Variants in TMEM201 observed in about 807,000 individuals in gnomAD.
TMEM201 encodes the protein transmembrane protein 201, also known as RP13-15M17.2.
TMEM201 carries 26 observed loss-of-function variants against 63.4 expected under a neutral mutation model. The observed-to-expected ratio is 0.41, with a 90% CI of 0.30 to 0.57. The LOEUF (loss-of-function observed/expected upper bound fraction) is 0.57, where lower values mean the gene tolerates loss of function less well. TMEM201 is among the 20% of genes least tolerant of loss of function. TMEM201 has a pLI of 0.29. For missense variants in TMEM201, 794 were observed against 917.7 expected (o/e 0.87, Z 1.74); for synonymous variants, 417 against 421.6 (o/e 0.99, Z 0.14).
In TMEM201 at chr1:9,603,923, T is replaced by C. The variant is rs1644194989; in HGVS notation, c.1160+1651T>C. The C allele has an allele frequency of 1.0e-6, 1 of 985,340 alleles. No homozygotes were observed. Among genetic ancestry groups the C allele is most frequent in the Non-Finnish European group, 1.2e-6 (1 of 829,962 alleles). The allele number at this position is 985,340 out of a possible 1,614,324, so 61.0% of individuals were successfully genotyped here. ...AGGTGAGAAAACCCCTCTGAAAAGA[T>C]GTGGTCGGGGCCACGCTTCCCACTG... On this transcript the variant is annotated intron_variant, in intron 6 of 10. Coordinates refer to ENST00000340381, the MANE Select transcript of TMEM201 (RefSeq NM_001130924.3). This position sits in a 1 kb window ranked among gnomAD's most constrained non-coding sequence, Gnocchi z 4.5.
chr1:9,598,714 G>A (rs1444946243), intron 4 of TMEM201, 89 bp downstream of exon 4: 28 of 1,337,596 alleles, frequency 2.1e-5, no homozygotes, highest in Non-Finnish European at 2.8e-5. Flanking sequence ...TGACCAGAGG[G>A]TAGCTCTTCA....
intron 3 of TMEM201, 144 bp from the exon 4 acceptor site, chr1:9,598,305 G>A (rs1037468555): frequency 2.2e-6 from 2 of 912,796 alleles, no homozygotes; most frequent in East Asian, 5.2e-5. Flanking sequence ...GGGCAGAGGG[G>A]AAGCAGGTTC....
Position 9,601,466 on chromosome 1 carries a change from GC to G in TMEM201, c.956+14del, listed in dbSNP as rs1340213383. 1 of 1,569,904 alleles carries G rather than the reference GC, an allele frequency of 6.4e-7. No individual in the cohort carries two copies. The highest frequency in any genetic ancestry group is 1.2e-5 in the South Asian group (1 of 86,894). On this transcript the variant is annotated intron_variant, in intron 5 of 10. Coordinates refer to ENST00000340381, the MANE Select transcript of TMEM201 (RefSeq NM_001130924.3). ...GCTGGCCGCATCAGGTGTGCATGGG[GC>G]CAGGGCCAGGAGTTGGCGGGCAGGG...
rs200961879 is a variant in TMEM201 at position 9,601,192 on chromosome 1, G to T, written c.694G>T (p.Ala232Ser). The T allele has an allele frequency of 2.5e-6, 4 of 1,612,906 alleles. No homozygotes were observed. Among genetic ancestry groups the T allele is most frequent in the Non-Finnish European group, 3.4e-6 (4 of 1,179,754 alleles). The change falls in exon 5 of 11, where the codon GCG becomes TCG. Residue 232 changes from alanine to serine, a missense_variant. Transcript: ENST00000340381. The stretch of plus-strand genomic sequence containing the variant: ...GGCCTGCGCCTTCCTACTGACCACC[G>T]CGCTGTATGGGGCCAGCGGACACTT... ...FLACAFLLTT[A>S]LYGASGHFAP...
Position 9,607,811 on chromosome 1 carries a change from G to A in TMEM201, c.1393+22G>A. ...GCAGGTAAGGGGTGCCCAGGCATTG[G>A]CAGACAGTCAGGGCTAGGGGCAGCT... On this transcript the variant is annotated intron_variant, in intron 7 of 10. Coordinates refer to ENST00000340381, the MANE Select transcript of TMEM201 (RefSeq NM_001130924.3). The surrounding 1 kb of genome is among the most constrained non-coding windows in gnomAD (Gnocchi z 5.4). 1 of 1,548,572 alleles carries A rather than the reference G, an allele frequency of 6.5e-7. No homozygotes were observed. The highest frequency in any genetic ancestry group is 8.7e-7 in the Non-Finnish European group (1 of 1,145,028).
chr1:9,602,765 T>C, intron 6 of TMEM201: 1 of 1,000,572 alleles, frequency 1.0e-6, no homozygotes, highest in Non-Finnish European at 1.2e-6. Flanking sequence ...TGCAGCAGAG[T>C]GAGGCTGGGG....
intron 6 of TMEM201, among the ~76,000 whole-genome samples, chr1:9,606,940 C>T (rs1284958864): frequency 6.6e-6 from 1 of 152,204 alleles, no homozygotes; most frequent in Non-Finnish European, 1.5e-5. Context: ...TTCTGCTCTA[C>T]CAGGAACTTC....
Position 9,613,173 on chromosome 1 carries a change from C to T in TMEM201, c.*90C>T. The T allele has an allele frequency of 1.6e-6, 2 of 1,272,552 alleles. No homozygotes were observed. The highest frequency in any genetic ancestry group is 3.0e-5 in the African/African-American group (2 of 67,706). The allele number at this position is 1,272,552 out of a possible 1,614,324, so 78.8% of individuals were successfully genotyped here. On this transcript the variant is annotated 3_prime_UTR_variant, in exon 11 of 11. Transcript: ENST00000340381. ...AGGACCCTCCCTGGAGGGGCTGCCA[C>T]CTCTGCCCTCATCTCCAGGGCCTTG...
At chr1:9,600,304 C>A (rs1644112811) in intron 4 of TMEM201, among the ~76,000 whole-genome samples, 1 of 152,164 alleles carries the variant, frequency 6.6e-6, no homozygotes, top group Admixed American at 6.5e-5. Context: ...AACCCTGGAG[C>A]CACTGCATAC....
chr1:9,597,272 C>G (rs1644043257), intron 3 of TMEM201, among the ~76,000 whole-genome samples: 1 of 152,264 alleles, frequency 6.6e-6, no homozygotes, highest in South Asian at 2.1e-4. Context: ...TGGAGCTGAG[C>G]TGCTTCTCCC....
chr1:9,604,563 A>G lies in TMEM201; in HGVS notation c.1160+2291A>G, dbSNP rs1031313349. 1.0e-6 allele frequency: 1 copy of G among 985,226 alleles called. No homozygotes were observed. The highest frequency in any genetic ancestry group is 1.2e-6 in the Non-Finnish European group (1 of 829,898). 61.0% of individuals were successfully genotyped at this position (985,226 alleles called of 1,614,324 possible). On this transcript the variant is annotated intron_variant, in intron 6 of 10. Coordinates refer to ENST00000340381, the MANE Select transcript of TMEM201 (RefSeq NM_001130924.3). The surrounding 1 kb of genome is among the most constrained non-coding windows in gnomAD (Gnocchi z 4.1). ...CAGGGAACTCTTCTCCTCGCGGGGG[A>G]CTTGGGATGGCCATCAGACCTTCTA...
At chr1:9,594,864 G>A (rs912211945) in intron 1 of TMEM201, among the ~76,000 whole-genome samples, 6 of 152,246 alleles carry the variant, frequency 3.9e-5, no homozygotes, top group African/African-American at 7.2e-5. Flanking sequence ...CTGGGGCTCC[G>A]TCCTCCTTTC....
In TMEM201 at chr1:9,604,392, T is replaced by C; in HGVS notation, c.1160+2120T>C. The C allele has an allele frequency of 1.0e-6, 1 of 985,372 alleles. No individual in the cohort carries two copies. Among genetic ancestry groups the C allele is most frequent in the South Asian group, 4.7e-5 (1 of 21,284 alleles). The allele number at this position is 985,372 out of a possible 1,614,324, so 61.0% of individuals were successfully genotyped here. A position where few individuals can be genotyped will look rare whatever the true frequency, so the allele number is the denominator to read the frequency against. On this transcript the variant is annotated intron_variant, in intron 6 of 10. Coordinates refer to ENST00000340381, the MANE Select transcript of TMEM201 (RefSeq NM_001130924.3). The surrounding 1 kb of genome is among the most constrained non-coding windows in gnomAD (Gnocchi z 4.1). ...TGAGGATTCCTGCCTTTCGTAGAGT[T>C]TTGTGTGACTTTTTAAATTATTCAT...
At chr1:9,611,628 G>A in intron 9 of TMEM201, 125 bp from the exon 10 acceptor site, 1 of 1,284,880 alleles carries the variant, frequency 7.8e-7, no homozygotes, top group Non-Finnish European at 1.1e-6. Flanking sequence ...GGGTGGATGA[G>A]TGGCTTGGGA....
At position 9,601,267 on chromosome 1, in the gene TMEM201, T is replaced by C; in HGVS notation, c.769T>C (p.Ser257Pro). 1 of 1,610,806 alleles carries C rather than the reference T, an allele frequency of 6.2e-7. No individual in the cohort carries two copies. Among genetic ancestry groups the C allele is most frequent in the Non-Finnish European group, 8.5e-7 (1 of 1,179,790 alleles). ...GGCCCTGCCACCTGGTGGCAATGGC[T>C]CAGCCACACCTGACAATGGCACCAC... is the stretch of plus-strand genomic sequence containing the variant. ...PLALPPGGNGSATPDNGTTPG... is the reference protein window; with the variant it reads ...PLALPPGGNGPATPDNGTTPG... Residue 257 changes from serine (S) to proline (P), a missense_variant, in exon 5 of 11, where the codon TCA becomes CCA. Coordinates refer to ENST00000340381, the MANE Select transcript of TMEM201 (RefSeq NM_001130924.3).
At chr1:9,596,127 C>T (rs1224225251) in intron 2 of TMEM201, 117 bp downstream of exon 2, 1 of 1,330,590 alleles carries the variant, frequency 7.5e-7, no homozygotes, top group Non-Finnish European at 1.0e-6. Context: ...CCCACACCCT[C>T]ATACCCTGTC....
rs966154431 is a variant in TMEM201 at position 9,604,862 on chromosome 1, C to T, written c.1160+2590C>T. 2.0e-6 allele frequency: 2 copies of T among 985,834 alleles called. No individual in the cohort carries two copies. Among genetic ancestry groups the T allele is most frequent in the Admixed American group, 6.1e-5 (1 of 16,264 alleles). 61.1% of individuals were successfully genotyped at this position (985,834 alleles called of 1,614,324 possible). On this transcript the variant is annotated intron_variant, in intron 6 of 10. Transcript: ENST00000340381. The surrounding 1 kb of genome is among the most constrained non-coding windows in gnomAD (Gnocchi z 4.1). ...AATTGTGGATAATTGTCTAGTGACC[C>T]TCTCATCACTGTAACCATCGCGCCT...
At position 9,604,855 on chromosome 1, in the gene TMEM201, A is replaced by G. The variant is rs1389092372; in HGVS notation, c.1160+2583A>G. 1.0e-6 allele frequency: 1 copy of G among 985,834 alleles called. No homozygotes were observed. The highest frequency in any genetic ancestry group is 1.2e-6 in the Non-Finnish European group (1 of 830,002). The allele number at this position is 985,834 out of a possible 1,614,324, so 61.1% of individuals were successfully genotyped here. On this transcript the variant is annotated intron_variant, in intron 6 of 10. Coordinates refer to ENST00000340381, the MANE Select transcript of TMEM201 (RefSeq NM_001130924.3). This position sits in a 1 kb window ranked among gnomAD's most constrained non-coding sequence, Gnocchi z 4.1. ...GTCGTAGAATTGTGGATAATTGTCT[A>G]GTGACCCTCTCATCACTGTAACCAT... is the stretch of plus-strand genomic sequence containing the variant.
At position 9,603,445 on chromosome 1, in the gene TMEM201, C is replaced by T. The variant is rs1486368841; in HGVS notation, c.1160+1173C>T. ...CCAGGGGTCCCAGTCGAGAGTGGCC[C>T]GAGGCCGTCCCTCACCGGGCATGTT... On this transcript the variant is annotated intron_variant, in intron 6 of 10. Transcript: ENST00000340381. This position sits in a 1 kb window ranked among gnomAD's most constrained non-coding sequence, Gnocchi z 4.5. 6.0e-5 allele frequency: 59 copies of T among 985,314 alleles called. No individual in the cohort carries two copies. Among genetic ancestry groups the T allele is most frequent in the South Asian group, 4.7e-4 (10 of 21,292 alleles). The allele number at this position is 985,314 out of a possible 1,614,324, so 61.0% of individuals were successfully genotyped here. A position where few individuals can be genotyped will look rare whatever the true frequency, so the allele number is the denominator to read the frequency against.
Sources: gnomAD v4.1 joint callset for allele counts (sites outside exome capture counted in the v4.1 genomes callset) on GRCh38, gnomAD v4.1.1 for gene constraint, Gnocchi (gnomAD v3.1) non-coding constraint, MANE v1.5 for transcripts, NCBI Gene and HGNC (gene_info 2026-07-23, HGNC 2026-07-21) for gene names.